The following MID1 variants were observed in gnomAD, a reference collection of about 807,000 sequenced individuals.
The protein encoded by MID1 is midline 1.
MID1 carries 7 observed loss-of-function variants against 40.4 expected under a neutral mutation model. The ratio of observed to expected loss-of-function variants is 0.17; its 90% CI spans 0.10 to 0.33. MID1 has a LOEUF of 0.33. Ranked by LOEUF, MID1 falls within the 10% of genes least tolerant of loss-of-function variation. MID1 has a pLI of 1.00. For synonymous variants in MID1, 229 were observed against 221.2 expected (o/e 1.04, Z -0.31); for missense variants, 367 against 558.5 (o/e 0.66, Z 3.46).
At chrX:10,622,026 C>T (rs961581831), upstream of MID1, among the ~76,000 whole-genome samples, 2 of 105,570 alleles carry the variant, frequency 1.9e-5, no homozygotes, top group Non-Finnish European at 3.9e-5. Flanking sequence ...GATGAAATCA[C>T]GCTTTGAAAG....
chrX:10,689,679 G>A lies in MID1; in HGVS notation c.-186-69260C>T, dbSNP rs372132330. Among the ~76,000 whole-genome samples, 19 of 108,235 alleles carry A rather than the reference G, an allele frequency of 1.8e-4. No individual in the cohort carries two copies. The East Asian group carries it at 2.3e-3, about 13-fold the overall frequency. The allele number at this position is 108,235 out of a possible 115,157, so 94.0% of individuals were successfully genotyped here. Reference sequence around the variant, plus strand: ...TGTATTCTAGTCTTGTGATATCACCGTGTTTCAAATGTTGTAGATTTTTTT... The same window carrying A: ...TGTATTCTAGTCTTGTGATATCACCATGTTTCAAATGTTGTAGATTTTTTT... On this transcript the variant is annotated intron_variant, in intron 1 of 10. Coordinates refer to the MID1 transcript ENST00000380785.
intron 1 of MID1, among the ~76,000 whole-genome samples, chrX:10,591,417 T>C (rs1250372344): frequency 1.8e-5 from 2 of 112,340 alleles, no homozygotes; most frequent in East Asian, 5.6e-4. Context: ...TTCTTTCCAT[T>C]CCAAATTCCA....
At chrX:10,628,624 A>G (rs1404245674) in intron 1 of MID1, among the ~76,000 whole-genome samples, 4 of 111,909 alleles carry the variant, frequency 3.6e-5, no homozygotes, top group Non-Finnish European at 5.6e-5. Context: ...ACCAATTCGC[A>G]AATAGGTGGA....
chrX:10,578,414 T>C (rs1384944800), intron 1 of MID1, among the ~76,000 whole-genome samples: 1 of 111,810 alleles, frequency 8.9e-6, no homozygotes, highest in African/African-American at 3.3e-5. Context: ...CCTGAACATC[T>C]GAAGTTGAAA....
At position 10,643,288 on chromosome X, in the gene MID1, A is replaced by G. The variant is rs1936223161; in HGVS notation, c.-186-22869T>C. 3.6e-5 allele frequency among the ~76,000 whole-genome samples: 4 copies of G among 111,892 alleles called. No individual in the cohort carries two copies. In the East Asian group the frequency reaches 1.1e-3, roughly 31 times the overall value. On this transcript the variant is annotated intron_variant, in intron 1 of 10. Transcript: ENST00000380785. ...CATCTGACAAAGGGCTAATATCCAGAATCTACAAAGAACTTAAACAAATTT... is the reference window on the plus strand; with the variant it reads ...CATCTGACAAAGGGCTAATATCCAGGATCTACAAAGAACTTAAACAAATTT...
intron 1 of MID1, among the ~76,000 whole-genome samples, chrX:10,569,059 A>G (rs1934652447): frequency 8.9e-6 from 1 of 111,790 alleles, no homozygotes; most frequent in South Asian, 3.8e-4. Flanking sequence ...GATTCTGACA[A>G]TCAATCGTTT....
chrX:10,559,420 T>C (rs1934247252), intron 2 of MID1, among the ~76,000 whole-genome samples: 1 of 112,759 alleles, frequency 8.9e-6, no homozygotes, highest in Non-Finnish European at 1.9e-5. Context: ...GTCTGAGTTA[T>C]TCACATACCA....
intron 6 of MID1, 64 bp from the exon 7 acceptor site, chrX:10,469,904 A>G (rs1183246177): frequency 9.1e-7 from 1 of 1,101,482 alleles, no homozygotes; most frequent in Non-Finnish European, 1.3e-6. Flanking sequence ...ATTTCAGAGG[A>G]GATGTTTGAC....
chrX:10,551,042 C>A (rs1933888165), intron 2 of MID1, among the ~76,000 whole-genome samples: 1 of 111,468 alleles, frequency 9.0e-6, no homozygotes, highest in Admixed American at 9.5e-5. Flanking sequence ...ATGCTCAGGT[C>A]CCTTATATAA....
At chrX:10,702,056 T>C (rs1283899675) in intron 1 of MID1, among the ~76,000 whole-genome samples, 1 of 112,757 alleles carries the variant, frequency 8.9e-6, no homozygotes, top group Non-Finnish European at 1.9e-5. Context: ...AGTGAACATA[T>C]AATTATGCCA....
intron 1 of MID1, among the ~76,000 whole-genome samples, chrX:10,712,526 G>A (rs1410287841): frequency 9.0e-6 from 1 of 110,990 alleles, no homozygotes; most frequent in Admixed American, 9.6e-5. Context: ...CACTCCAAGG[G>A]AAGAATCAGA....
intron 3 of MID1, among the ~76,000 whole-genome samples, chrX:10,517,018 A>G (rs186394465): frequency 0.029 from 3,247 of 111,652 alleles, 77 homozygotes; most frequent in African/African-American, 0.072. Flanking sequence ...ACAATGTGGC[A>G]GGGGTGGGGA....
intron 1 of MID1, among the ~76,000 whole-genome samples, chrX:10,586,295 T>C (rs932485091): frequency 3.8e-4 from 42 of 111,301 alleles, no homozygotes; most frequent in Admixed American, 1.5e-3. Context: ...CTGCGATGAG[T>C]TTCCTCATGT....
At chrX:10,501,053 G>C (rs1195897788) in intron 3 of MID1, among the ~76,000 whole-genome samples, 1 of 112,032 alleles carries the variant, frequency 8.9e-6, no homozygotes, top group African/African-American at 3.2e-5. Context: ...GCTCACGCCT[G>C]TAATCCCAGC....
chrX:10,784,443 C>CTTTT (rs1222382957), intron 1 of MID1, among the ~76,000 whole-genome samples: 7 of 87,576 alleles, frequency 8.0e-5, no homozygotes, highest in Non-Finnish European at 1.1e-4. Flanking sequence ...GTTGTATTTT[C>CTTTT]TTTTTTTTTT....
At chrX:10,515,050 A>C (rs1484616126) in intron 3 of MID1, among the ~76,000 whole-genome samples, 2 of 112,030 alleles carry the variant, frequency 1.8e-5, no homozygotes, top group Non-Finnish European at 3.8e-5. Context: ...ACACGTTCAC[A>C]AGACACAAAT....
Position 10,465,759 on chromosome X carries a change from G to A in MID1, c.1285+3938C>T, listed in dbSNP as rs757713499. The stretch of plus-strand genomic sequence containing the variant: ...GAGCTAAGAAGTAGATTCTTCCTTA[G>A]TTGAGTCTCCAGATGAATGCAGCCC... On this transcript the variant is annotated intron_variant, in intron 7 of 9. Coordinates refer to ENST00000317552, the MANE Select transcript of MID1 (RefSeq NM_000381.4). Among the ~76,000 whole-genome samples, 34 of 111,596 alleles carry A rather than the reference G, an allele frequency of 3.0e-4. 1 individual carries two copies. The highest frequency in any genetic ancestry group is 5.6e-4 in the Non-Finnish European group (30 of 53,133).
intron 7 of MID1, among the ~76,000 whole-genome samples, chrX:10,468,793 C>T (rs1027686960): frequency 1.9e-4 from 21 of 111,802 alleles, no homozygotes; most frequent in African/African-American, 5.9e-4. Flanking sequence ...AAATTCTTCC[C>T]GGGTGGGGCC....
At chrX:10,768,773 C>T (rs777183589) in intron 1 of MID1, among the ~76,000 whole-genome samples, 12 of 111,639 alleles carry the variant, frequency 1.1e-4, no homozygotes, top group African/African-American at 2.9e-4. Flanking sequence ...AGGACATTTC[C>T]GGCAGGGTTA....
Sources: gnomAD v4.1 joint callset for allele counts (sites outside exome capture counted in the v4.1 genomes callset) on GRCh38, gnomAD v4.1.1 for gene constraint, MANE v1.5 for transcripts, NCBI Gene and HGNC (gene_info 2026-07-23, HGNC 2026-07-21) for gene names.